The following ANKRD52 variants were observed in gnomAD, a reference collection of about 807,000 sequenced individuals.
The protein encoded by ANKRD52 is serine/threonine-protein phosphatase 6 regulatory ankyrin repeat subunit C.
In ANKRD52, 7 loss-of-function variants were observed where a neutral mutation model predicts 116.0. That is an observed-to-expected ratio of 0.06 (90% CI 0.03 to 0.11). The LOEUF (loss-of-function observed/expected upper bound fraction) is 0.11, where lower values mean the gene tolerates loss of function less well. ANKRD52 is among the 10% of genes least tolerant of loss of function. The probability of loss-of-function intolerance (pLI) is 1.00; values close to 1 mark genes in which losing one functional copy is unlikely to be tolerated. For missense variants in ANKRD52, 839 were observed against 1,408.6 expected, an observed-to-expected ratio of 0.60 and a Z score of 6.47; for synonymous variants, 528 against 578.1, an observed-to-expected ratio of 0.91 and a Z score of 1.24.
Position 56,244,000 on chromosome 12 carries a change from C to G in ANKRD52, c.2888+51G>C. The G allele has an allele frequency of 6.2e-7, 1 of 1,607,344 alleles. No homozygotes were observed. The highest frequency in any genetic ancestry group is 8.5e-7 in the Non-Finnish European group (1 of 1,175,178). ...AGCCTCTGAACAGCGGCCACTCTTT[C>G]ATCACCCACTGGCCTCCCCCAGCCA... On this transcript the variant is annotated intron_variant, in intron 26 of 27. Coordinates refer to ENST00000267116, the MANE Select transcript of ANKRD52 (RefSeq NM_173595.4). The surrounding 1 kb of genome is among the most constrained non-coding windows in gnomAD (Gnocchi z 4.6).
At position 56,254,476 on chromosome 12, in the gene ANKRD52, C is replaced by T. The variant is rs1871850084; in HGVS notation, c.693+102G>A. 6.5e-7 allele frequency: 1 copy of T among 1,531,076 alleles called. No homozygotes were observed. Among genetic ancestry groups the T allele is most frequent in the Non-Finnish European group, 8.8e-7 (1 of 1,139,456 alleles). 94.8% of individuals were successfully genotyped at this position (1,531,076 alleles called of 1,614,324 possible). On this transcript the variant is annotated intron_variant, in intron 7 of 27. Transcript: ENST00000267116. The surrounding 1 kb of genome is among the most constrained non-coding windows in gnomAD (Gnocchi z 4.6). Reference sequence around the variant, plus strand: ...CCTCTCTACCACGTCCTTCCAACTTCCCAAAACTATACCAACATCCCAATA... The same window carrying T: ...CCTCTCTACCACGTCCTTCCAACTTTCCAAAACTATACCAACATCCCAATA...
rs1345089992 is a variant in ANKRD52 at position 56,245,142 on chromosome 12, T to C, written c.2453A>G (p.Tyr818Cys). The change falls in exon 22 of 28, where the codon TAC becomes TGC. Residue 818 changes from tyrosine to cysteine, a missense_variant. Physicochemically the swap from Tyr to Cys is radical, Grantham distance 194 (BLOSUM62 -2). Transcript: ENST00000267116. Reference protein sequence around the residue: ...ELLLEHSPFSYLEGNPFTPLH... With the variant: ...ELLLEHSPFSCLEGNPFTPLH... ...AGGAGTGAAGGGGTTTCCTTCCAGG[T>C]ACGAAAACGGGCTGTGTTCAAGTAA... 1.2e-6 allele frequency: 2 copies of C among 1,613,804 alleles called. No homozygotes were observed. The highest frequency in any genetic ancestry group is 1.7e-6 in the Non-Finnish European group (2 of 1,179,894).
In ANKRD52 at chr12:56,248,652, G is replaced by T; in HGVS notation, c.1705-86C>A. On this transcript the variant is annotated intron_variant, in intron 16 of 27. Coordinates refer to ENST00000267116, the MANE Select transcript of ANKRD52 (RefSeq NM_173595.4). This position sits in a 1 kb window ranked among gnomAD's most constrained non-coding sequence, Gnocchi z 5.1. ...CCCGACTCGCAGTAATCCCCACTAAGCCTCTGGATCCAAAGACCACATTTG... is the reference window on the plus strand; with the variant it reads ...CCCGACTCGCAGTAATCCCCACTAATCCTCTGGATCCAAAGACCACATTTG... 1.3e-6 allele frequency: 2 copies of T among 1,489,174 alleles called. No homozygotes were observed. The highest frequency in any genetic ancestry group is 1.2e-5 in the South Asian group (1 of 83,178). 92.2% of individuals were successfully genotyped at this position (1,489,174 alleles called of 1,614,324 possible).
At position 56,243,139 on chromosome 12, in the gene ANKRD52, G is replaced by T; in HGVS notation, c.*3C>A. 6.3e-7 allele frequency: 1 copy of T among 1,589,654 alleles called. No individual in the cohort carries two copies. ...ACCGGCGGGGGAGGGACACTGGAGG[G>T]GGCTACTCAGAGTAGCAGCCATCTA... is the stretch of plus-strand genomic sequence containing the variant. On this transcript the variant is annotated 3_prime_UTR_variant, in exon 28 of 28. Coordinates refer to ENST00000267116, the MANE Select transcript of ANKRD52 (RefSeq NM_173595.4). This position sits in a 1 kb window ranked among gnomAD's most constrained non-coding sequence, Gnocchi z 4.6.
Position 56,243,064 on chromosome 12 carries a change from G to A in ANKRD52, c.*78C>T, listed in dbSNP as rs931295045. Reference sequence around the variant, plus strand: ...ACCCAGTCGTGTTCTCCTTTAAAGTGCCCTAAATGTTTAGACTTTTTCTAA... The same window carrying A: ...ACCCAGTCGTGTTCTCCTTTAAAGTACCCTAAATGTTTAGACTTTTTCTAA... On this transcript the variant is annotated 3_prime_UTR_variant, in exon 28 of 28. Coordinates refer to ENST00000267116, the MANE Select transcript of ANKRD52 (RefSeq NM_173595.4). This position sits in a 1 kb window ranked among gnomAD's most constrained non-coding sequence, Gnocchi z 4.6. 13 of 1,453,038 alleles carry A rather than the reference G, an allele frequency of 8.9e-6. No individual in the cohort carries two copies. The highest frequency in any genetic ancestry group is 1.1e-5 in the Non-Finnish European group (12 of 1,098,610). 90.0% of individuals were successfully genotyped at this position (1,453,038 alleles called of 1,614,324 possible).
chr12:56,248,682 AAC>A lies in ANKRD52; in HGVS notation c.1704+75_1704+76del, dbSNP rs1297932732. The stretch of plus-strand genomic sequence containing the variant: ...TGGATCCAAAGACCACATTTGATTG[AAC>A]CCTTAGTTTTGGAATCCACAAACCC... On this transcript the variant is annotated intron_variant, in intron 16 of 27. Coordinates refer to ENST00000267116, the MANE Select transcript of ANKRD52 (RefSeq NM_173595.4). This position sits in a 1 kb window ranked among gnomAD's most constrained non-coding sequence, Gnocchi z 5.1. The A allele has an allele frequency of 1.7e-5, 26 of 1,492,498 alleles. No homozygotes were observed. The highest frequency in any genetic ancestry group is 1.2e-4 in the East Asian group (5 of 41,608). The allele number at this position is 1,492,498 out of a possible 1,614,324, so 92.5% of individuals were successfully genotyped here. A position where few individuals can be genotyped will look rare whatever the true frequency, so the allele number is the denominator to read the frequency against.
chr12:56,255,057 C>T lies in ANKRD52; in HGVS notation c.463-105G>A, dbSNP rs563526060. 77 of 1,205,944 alleles carry T rather than the reference C, an allele frequency of 6.4e-5. 2 individuals are homozygous for T. The African/African-American group carries it at 8.1e-4, about 13-fold the overall frequency. The allele number at this position is 1,205,944 out of a possible 1,614,324, so 74.7% of individuals were successfully genotyped here. On this transcript the variant is annotated intron_variant, in intron 5 of 27. Transcript: ENST00000267116. This position sits in a 1 kb window ranked among gnomAD's most constrained non-coding sequence, Gnocchi z 4.3. ...TGAAAAGGCTGAGGCAGCCTAATGC[C>T]TTTTTCCATGAGCAAAACAACCTGG...
chr12:56,255,608 C>T lies in ANKRD52; in HGVS notation c.462+176G>A, dbSNP rs924828736. Among the ~76,000 whole-genome samples, 2 of 152,216 alleles carry T rather than the reference C, an allele frequency of 1.3e-5. No homozygotes were observed. The highest frequency in any genetic ancestry group is 4.8e-5 in the African/African-American group (2 of 41,458). The stretch of plus-strand genomic sequence containing the variant: ...CAAGGTTTTATCAACCTCCTGAAGT[C>T]CAAGTTAAGAATTTTAATCTAGTCT... On this transcript the variant is annotated intron_variant, in intron 5 of 27. Coordinates refer to ENST00000267116, the MANE Select transcript of ANKRD52 (RefSeq NM_173595.4). The surrounding 1 kb of genome is among the most constrained non-coding windows in gnomAD (Gnocchi z 4.3).
intron 15 of ANKRD52, among the ~76,000 whole-genome samples, 168 bp from the exon 16 acceptor site, chr12:56,249,038 C>T (rs1871559819): frequency 6.6e-6 from 1 of 152,218 alleles, no homozygotes; most frequent in Admixed American, 6.5e-5. Context: ...AATGGCAGCT[C>T]CAGACCCACT....
chr12:56,256,536 T>C (rs893867261), intron 4 of ANKRD52, among the ~76,000 whole-genome samples: 3 of 152,162 alleles, frequency 2.0e-5, no homozygotes, highest in Non-Finnish European at 2.9e-5. Flanking sequence ...AGGGAAGTGA[T>C]GAACTGAGGA....
rs142793249 is a variant in ANKRD52 at position 56,253,257 on chromosome 12, G to T, written c.1100+31C>A. On this transcript the variant is annotated intron_variant, in intron 10 of 27. Coordinates refer to ENST00000267116, the MANE Select transcript of ANKRD52 (RefSeq NM_173595.4). The surrounding 1 kb of genome is among the most constrained non-coding windows in gnomAD (Gnocchi z 5.5). ...TGAGCAGTCTGTGCAGATCTGGGCA[G>T]CCCAGAAGTGGAGTCGGGGCCCTGA... The T allele has an allele frequency of 6.7e-5, 106 of 1,593,604 alleles. No homozygotes were observed. The East Asian group carries it at 2.4e-3, about 36-fold the overall frequency.
chr12:56,240,178 G>A lies in ANKRD52; in HGVS notation c.*2964C>T, dbSNP rs1871099597. On this transcript the variant is annotated 3_prime_UTR_variant, in exon 28 of 28. Transcript: ENST00000267116. The surrounding 1 kb of genome is among the most constrained non-coding windows in gnomAD (Gnocchi z 4.2). ...TCAGTGGACAGTGGCAGTGACCCGGGTCTGCTGGTCCTTCCTGGGACCCAC... is the reference window on the plus strand; with the variant it reads ...TCAGTGGACAGTGGCAGTGACCCGGATCTGCTGGTCCTTCCTGGGACCCAC... 2 of 152,462 alleles carry A rather than the reference G, an allele frequency of 1.3e-5. No individual in the cohort carries two copies. The highest frequency in any genetic ancestry group is 2.4e-5 in the African/African-American group (1 of 41,554). The allele number at this position is 152,462 out of a possible 1,614,324, so 9.4% of individuals were successfully genotyped here.
chr12:56,257,418 A>G (rs1872008412), intron 2 of ANKRD52, 57 bp from the exon 3 acceptor site: 2 of 1,431,902 alleles, frequency 1.4e-6, no homozygotes, highest in African/African-American at 2.8e-5. Flanking sequence ...GCTATCAAGG[A>G]CCCCAGCCCA....
intron 20 of ANKRD52, among the ~76,000 whole-genome samples, chr12:56,247,211 T>C (rs559179342): frequency 6.6e-6 from 1 of 151,364 alleles, no homozygotes; most frequent in African/African-American, 2.4e-5. Context: ...CTGGGCATGA[T>C]GGCATGTGCC....
rs180795595 is a variant in ANKRD52 at position 56,240,919 on chromosome 12, C to G, written c.*2223G>C. ...TCACGAAAGGAGAACACGACTCACA[C>G]CCGGCAAGTTCTCTCTGGAGGACCC... On this transcript the variant is annotated 3_prime_UTR_variant, in exon 28 of 28. Transcript: ENST00000267116. This position sits in a 1 kb window ranked among gnomAD's most constrained non-coding sequence, Gnocchi z 4.2. The G allele has an allele frequency of 6.6e-6, 1 of 152,348 alleles. No homozygotes were observed. Among genetic ancestry groups the G allele is most frequent in the Admixed American group, 6.5e-5 (1 of 15,304 alleles). 9.4% of individuals were successfully genotyped at this position (152,348 alleles called of 1,614,324 possible).
At position 56,258,374 on chromosome 12, in the gene ANKRD52, G is replaced by A; in HGVS notation, c.-105C>T. On this transcript the variant is annotated 5_prime_UTR_variant, in exon 1 of 28. Transcript: ENST00000267116. ...CGGCGGCTGCGGTGGCGGCTGCAGG[G>A]AGAGCGCGGCCCCGCCTACCGGGGG... The A allele has an allele frequency of 1.6e-6, 2 of 1,249,754 alleles. No individual in the cohort carries two copies. Among genetic ancestry groups the A allele is most frequent in the Middle Eastern group, 3.1e-4 (1 of 3,230 alleles). The allele number at this position is 1,249,754 out of a possible 1,614,324, so 77.4% of individuals were successfully genotyped here. A position where few individuals can be genotyped will look rare whatever the true frequency, so the allele number is the denominator to read the frequency against.
At chr12:56,250,259 C>A (rs1446870744) in intron 15 of ANKRD52, among the ~76,000 whole-genome samples, 1 of 151,214 alleles carries the variant, frequency 6.6e-6, no homozygotes, top group South Asian at 2.1e-4. Context: ...GAGATGAGTT[C>A]TCATTATGTG....
At position 56,244,129 on chromosome 12, in the gene ANKRD52, T is replaced by C. The variant is rs749491484; in HGVS notation, c.2810A>G (p.His937Arg). 5 of 1,613,918 alleles carry C rather than the reference T, an allele frequency of 3.1e-6. No individual in the cohort carries two copies. The highest frequency in any genetic ancestry group is 1.3e-5 in the African/African-American group (1 of 75,022). Residue 937 changes from histidine (H) to arginine (R), a missense_variant, in exon 26 of 28, where the codon CAT becomes CGT. By Grantham distance (29) the His-to-Arg change is conservative. This residue lies in a region of ANKRD52 where 552 missense variants were observed against 810.6 expected (regional missense o/e 0.68). Transcript: ENST00000267116. This position sits in a 1 kb window ranked among gnomAD's most constrained non-coding sequence, Gnocchi z 4.9. ...TALHLACSKG[H>R]EKCALMILAE... ...CAGGATCATGAGGGCACATTTCTCA[T>C]GGCCCTGAGGGAGGGGAACAGAGAG... is the stretch of plus-strand genomic sequence containing the variant.
At chr12:56,257,202 G>C (rs1871995309) in intron 3 of ANKRD52, 81 bp downstream of exon 3, 5 of 1,543,074 alleles carry the variant, frequency 3.2e-6, no homozygotes, top group Admixed American at 1.9e-5. Context: ...AAGCCGGGGA[G>C]AGCAATCCTT....
Sources: gnomAD v4.1 joint callset for allele counts (sites outside exome capture counted in the v4.1 genomes callset) on GRCh38, gnomAD v4.1.1 for gene constraint, gnomAD v4.1.1 regional missense constraint, Gnocchi (gnomAD v3.1) non-coding constraint, MANE v1.5 for transcripts, NCBI Gene and HGNC (gene_info 2026-07-23, HGNC 2026-07-21) for gene names.